The following THRB variants were observed in gnomAD, a reference collection of about 807,000 sequenced individuals.
THRB encodes thyroid hormone receptor beta.
In THRB, 12 loss-of-function variants were observed where a neutral mutation model predicts 47.8. The ratio of observed to expected loss-of-function variants is 0.25; its 90% CI spans 0.16 to 0.41. The LOEUF (loss-of-function observed/expected upper bound fraction) is 0.41, where lower values mean the gene tolerates loss of function less well. Among genes scored for constraint, THRB ranks in the 10% least tolerant of loss-of-function variants. The pLI is 1.00. For missense variants in THRB, 348 were observed against 589.2 expected, an observed-to-expected ratio of 0.59 and a Z score of 4.24; for synonymous variants, 218 against 212.2, an observed-to-expected ratio of 1.03 and a Z score of -0.24.
chr3:24,315,222 CAG>C (rs1433233642), intron 2 of THRB, among the ~76,000 whole-genome samples: 2 of 152,184 alleles, frequency 1.3e-5, no homozygotes, highest in African/African-American at 4.8e-5. Context: ...TGTTCACACA[CAG>C]AGCATCACGG....
chr3:24,489,239 G>A (rs1292251322), intron 1 of THRB, among the ~76,000 whole-genome samples: 2 of 145,896 alleles, frequency 1.4e-5, no homozygotes, highest in African/African-American at 5.1e-5. Context: ...AGACTCTGTC[G>A]CAAAAAAAAA....
intron 1 of THRB, among the ~76,000 whole-genome samples, chr3:24,396,689 T>TA (rs1404074847): frequency 6.6e-6 from 1 of 152,150 alleles, no homozygotes; most frequent in Admixed American, 6.6e-5. Context: ...CCATGGCTCT[T>TA]TCTTTGAAAT....
Position 24,488,473 on chromosome 3 carries a change from T to C in THRB, c.-261+6179A>G, listed in dbSNP as rs1322472643. ...GGAAAAATAAAAATTGGATAAAACA[T>C]GCAGATCAGCAAGACAAACGTAAGT... is the stretch of plus-strand genomic sequence containing the variant. On this transcript the variant is annotated intron_variant, in intron 1 of 10. Coordinates refer to ENST00000646209, the MANE Select transcript of THRB (RefSeq NM_001354712.2). Among the ~76,000 whole-genome samples, 5 of 151,770 alleles carry C rather than the reference T, an allele frequency of 3.3e-5. No individual in the cohort carries two copies. The East Asian group carries it at 9.6e-4, about 29-fold the overall frequency.
chr3:24,228,804 G>C lies in THRB; in HGVS notation c.22+134C>G, dbSNP rs201317883. 1.8e-4 allele frequency: 148 copies of C among 816,284 alleles called. 3 individuals are homozygous for C. The East Asian group carries it at 3.0e-3, about 17-fold the overall frequency. The allele number at this position is 816,284 out of a possible 1,614,324, so 50.6% of individuals were successfully genotyped here. On this transcript the variant is annotated intron_variant, in intron 4 of 10. Transcript: ENST00000646209. The stretch of plus-strand genomic sequence containing the variant: ...GTACATTTCTAGGGAGGTATTCACA[G>C]GATTTAATAACACTTATTGGTTTGG...
intron 1 of THRB, among the ~76,000 whole-genome samples, chr3:24,419,379 C>A (rs528677229): frequency 2.0e-5 from 3 of 151,864 alleles, no homozygotes; most frequent in Non-Finnish European, 4.4e-5. Flanking sequence ...CTCCTCTATT[C>A]TCATTCCTAT....
intron 5 of THRB, among the ~76,000 whole-genome samples, chr3:24,189,762 C>T (rs555865219): frequency 6.6e-6 from 1 of 152,312 alleles, no homozygotes; most frequent in South Asian, 2.1e-4. Flanking sequence ...ATGCCTGTTT[C>T]TACTCAGACC....
At chr3:24,374,954 T>C (rs2065165182) in intron 1 of THRB, among the ~76,000 whole-genome samples, 1 of 152,140 alleles carries the variant, frequency 6.6e-6, no homozygotes, top group Admixed American at 6.6e-5. Context: ...AGTTAATCTT[T>C]AGCAAAGCAA....
intron 3 of THRB, among the ~76,000 whole-genome samples, chr3:24,286,784 T>A (rs547438733): frequency 2.3e-4 from 35 of 152,330 alleles, no homozygotes; most frequent in Non-Finnish European, 4.4e-4. Context: ...ACTATTTTTT[T>A]AATACCTTTC....
chr3:24,494,412 C>G (rs934294400), intron 1 of THRB: 4 of 152,408 alleles, frequency 2.6e-5, no homozygotes, highest in African/African-American at 9.6e-5. Flanking sequence ...TCCGTAGCTC[C>G]CAGCCTGCCG....
At chr3:24,404,762 A>T (rs574900674) in intron 1 of THRB, among the ~76,000 whole-genome samples, 1 of 152,044 alleles carries the variant, frequency 6.6e-6, no homozygotes, top group Non-Finnish European at 1.5e-5. Context: ...ACATTAATAA[A>T]CACAATTTCT....
intron 1 of THRB, among the ~76,000 whole-genome samples, chr3:24,441,883 G>A (rs1010492480): frequency 6.6e-6 from 1 of 151,642 alleles, no homozygotes; most frequent in Non-Finnish European, 1.5e-5. Flanking sequence ...GTAAGTTGCT[G>A]GCTCCCCCAA....
chr3:24,222,546 C>T (rs1302731830), intron 4 of THRB, among the ~76,000 whole-genome samples: 1 of 152,066 alleles, frequency 6.6e-6, no homozygotes, highest in African/African-American at 2.4e-5. Flanking sequence ...TGTGAGGTTT[C>T]AGCAGTTCCT....
chr3:24,160,015 G>A (rs1206494762), intron 5 of THRB, among the ~76,000 whole-genome samples: 2 of 152,200 alleles, frequency 1.3e-5, no homozygotes, highest in African/African-American at 2.4e-5. Context: ...GGTTGGGAGC[G>A]GGGGTGATGA....
At chr3:24,379,999 T>C (rs2065579322) in intron 1 of THRB, among the ~76,000 whole-genome samples, 2 of 151,614 alleles carry the variant, frequency 1.3e-5, no homozygotes, top group Admixed American at 1.3e-4. Flanking sequence ...TTCCTTCCTT[T>C]ATATGCCCAT....
chr3:24,271,701 A>G (rs1209335746), intron 3 of THRB, among the ~76,000 whole-genome samples: 1 of 152,128 alleles, frequency 6.6e-6, no homozygotes, highest in African/African-American at 2.4e-5. Flanking sequence ...CTCATAGCCT[A>G]ATTTCTTAAT....
At chr3:24,262,746 T>G (rs1446330781) in intron 3 of THRB, among the ~76,000 whole-genome samples, 1 of 152,230 alleles carries the variant, frequency 6.6e-6, no homozygotes, top group Non-Finnish European at 1.5e-5. Context: ...CTTTTCCACT[T>G]TCTCTCCAGA....
chr3:24,143,860 A>T (rs763048968), intron 7 of THRB, 154 bp from the exon 8 acceptor site: 10 of 718,492 alleles, frequency 1.4e-5, no homozygotes, highest in Admixed American at 4.2e-5. Flanking sequence ...TTCTCTCCTC[A>T]CCAGCAAACT....
intron 1 of THRB, among the ~76,000 whole-genome samples, chr3:24,459,840 C>G (rs901136763): frequency 6.6e-6 from 1 of 151,974 alleles, no homozygotes; most frequent in African/African-American, 2.4e-5. Context: ...TTCTAATATC[C>G]AGAATCTACA....
chr3:24,428,975 C>T (rs1577491320), intron 1 of THRB, among the ~76,000 whole-genome samples: 1 of 150,278 alleles, frequency 6.7e-6, no homozygotes. Flanking sequence ...AAAAAACAAA[C>T]AAGCAATAAA....
Sources: allele counts gnomAD v4.1 joint callset (sites outside exome capture counted in the v4.1 genomes callset), GRCh38; gene constraint gnomAD v4.1.1; transcripts MANE v1.5; gene names NCBI Gene and HGNC (gene_info 2026-07-23, HGNC 2026-07-21).